TRIM24: variants seen among roughly 807,000 people sequenced by gnomAD.
The protein encoded by TRIM24 is transcription intermediary factor 1-alpha.
TRIM24 carries 29 observed loss-of-function variants against 123.9 expected under a neutral mutation model. That is an observed-to-expected ratio of 0.23 (90% CI 0.17 to 0.32). The LOEUF (loss-of-function observed/expected upper bound fraction) is 0.32, where lower values mean the gene tolerates loss of function less well. Ranked by LOEUF, TRIM24 falls within the 10% of genes least tolerant of loss-of-function variation. The probability of loss-of-function intolerance (pLI) is 1.00; values close to 1 mark genes in which losing one functional copy is unlikely to be tolerated. For missense variants in TRIM24, 932 were observed against 1,295.3 expected (o/e 0.72, Z 4.31); for synonymous variants, 456 against 461.1 (o/e 0.99, Z 0.14).
In TRIM24 at chr7:138,551,808, T is replaced by C. The variant is rs372637465; in HGVS notation, c.1261+628T>C. On this transcript the variant is annotated intron_variant, in intron 8 of 18. Coordinates refer to ENST00000343526, the MANE Select transcript of TRIM24 (RefSeq NM_015905.3). ...TTTAAACTACTATATTTTTATTGGC[T>C]TATCTTTACAACTATTCAATAGGAA... is the stretch of plus-strand genomic sequence containing the variant. 1.3e-5 allele frequency among the ~76,000 whole-genome samples: 2 copies of C among 152,234 alleles called. 1 individual carries two copies. Among genetic ancestry groups the C allele is most frequent in the South Asian group, 4.1e-4 (2 of 4,834 alleles).
rs146063245 is a variant in TRIM24, at chr7:138,525,256, A to G, written c.780A>G (p.Glu260=). Residue 260 remains glutamate, a synonymous_variant, in exon 5 of 19, where the codon GAA becomes GAG. Coordinates refer to ENST00000343526, the MANE Select transcript of TRIM24 (RefSeq NM_015905.3). The part of the protein sequence containing the change: ...EHKEHRYQFI[E]EAFQNQKVII... ...ATTTCTTCAGATACCAATTTATAGA[A>G]GAAGCTTTTCAGAATCAGAAAGTGA... 2.3e-5 allele frequency: 34 copies of G among 1,492,072 alleles called. No homozygotes were observed. The Middle Eastern group carries it at 7.0e-4, about 31-fold the overall frequency. The allele number at this position is 1,492,072 out of a possible 1,614,324, so 92.4% of individuals were successfully genotyped here. A position where few individuals can be genotyped will look rare whatever the true frequency, so the allele number is the denominator to read the frequency against.
intron 1 of TRIM24, among the ~76,000 whole-genome samples, chr7:138,465,763 G>A (rs1356920824): frequency 1.3e-5 from 2 of 152,180 alleles, no homozygotes; most frequent in African/African-American, 4.8e-5. Flanking sequence ...TTATTCACCT[G>A]TTAGTAGGTA....
chr7:138,563,879 G>C (rs1797478150), intron 9 of TRIM24, among the ~76,000 whole-genome samples: 1 of 152,196 alleles, frequency 6.6e-6, no homozygotes, highest in African/African-American at 2.4e-5. Flanking sequence ...TAATTGGACT[G>C]CATGATTTGA....
chr7:138,501,572 C>G (rs890838828), intron 1 of TRIM24, among the ~76,000 whole-genome samples: 2 of 151,900 alleles, frequency 1.3e-5, no homozygotes, highest in Admixed American at 1.3e-4. Flanking sequence ...GACATATATG[C>G]GATCCATTGT....
intron 1 of TRIM24, chr7:138,490,930 TG>T (rs1227421940): frequency 1.3e-5 from 5 of 373,242 alleles, no homozygotes; most frequent in Non-Finnish European, 2.5e-5. Context: ...ATCTGATTGT[TG>T]GTTTTTTTAG....
intron 2 of TRIM24, among the ~76,000 whole-genome samples, chr7:138,509,701 CAAAAAAAAAAA>C (rs538243079): frequency 1.5e-5 from 1 of 67,880 alleles, no homozygotes; most frequent in Non-Finnish European, 2.8e-5. Context: ...GACTCTGTCT[CAAAAAAAAAAA>C]AAAAAAAAAG....
chr7:138,534,446 T>C (rs1050640322), intron 6 of TRIM24, among the ~76,000 whole-genome samples: 2 of 152,230 alleles, frequency 1.3e-5, no homozygotes, highest in Non-Finnish European at 1.5e-5. Context: ...AGAACATCTT[T>C]ATTTCTGCCT....
chr7:138,508,722 T>TGTGCTGTGTGTGTGC (rs1554436726), intron 2 of TRIM24, among the ~76,000 whole-genome samples: 1 of 124,268 alleles, frequency 8.0e-6, no homozygotes, highest in African/African-American at 2.9e-5. Flanking sequence ...TGTGTGTGCG[T>TGTGCTGTGTGTGTGC]GTGTGTGTGT....
intron 6 of TRIM24, 114 bp from the exon 7 acceptor site, chr7:138,538,543 C>T: frequency 1.7e-6 from 2 of 1,177,150 alleles, no homozygotes; most frequent in South Asian, 1.5e-5. Context: ...TTTTTAGTTT[C>T]AGTAAATTGA....
At chr7:138,572,445 G>A (rs1296396661) in intron 11 of TRIM24, among the ~76,000 whole-genome samples, 2 of 152,060 alleles carry the variant, frequency 1.3e-5, no homozygotes, top group East Asian at 1.9e-4. Flanking sequence ...CCCTGCCCCC[G>A]AACCCACAGA....
intron 10 of TRIM24, among the ~76,000 whole-genome samples, chr7:138,568,396 T>C (rs1797582256): frequency 7.1e-6 from 1 of 140,862 alleles, no homozygotes; most frequent in Non-Finnish European, 1.5e-5. Flanking sequence ...TTTTTTTTTT[T>C]TTTTTTTTTT....
intron 1 of TRIM24, among the ~76,000 whole-genome samples, chr7:138,497,359 C>T (rs1018738500): frequency 6.0e-5 from 9 of 148,762 alleles, no homozygotes; most frequent in Non-Finnish European, 5.9e-5. Context: ...TGAGCCACCG[C>T]GCCTGGCCGA....
At chr7:138,476,942 G>C (rs10258403) in intron 1 of TRIM24, among the ~76,000 whole-genome samples, 1,983 of 152,184 alleles carry the variant, frequency 0.013, 36 homozygotes, top group African/African-American at 0.045. Context: ...TTACTGTGCC[G>C]ATGTAAAAAA....
chr7:138,477,866 G>C (rs1489044880), intron 1 of TRIM24, among the ~76,000 whole-genome samples: 4 of 152,052 alleles, frequency 2.6e-5, no homozygotes, highest in Non-Finnish European at 5.9e-5. Flanking sequence ...TACATTTGAG[G>C]GCACAAATGT....
In TRIM24 at chr7:138,508,684, T is replaced by TGCGTGTGTGC. The variant is rs747170764; in HGVS notation, c.483+4277_483+4278insCGTGTGTGCG. Among the ~76,000 whole-genome samples, 19 of 53,444 alleles carry TGCGTGTGTGC rather than the reference T, an allele frequency of 3.6e-4. No homozygotes were observed. The Admixed American group carries it at 3.7e-3, about 10-fold the overall frequency. 35.1% of individuals were successfully genotyped at this position (53,444 alleles called of 152,430 possible). A position where few individuals can be genotyped will look rare whatever the true frequency, so the allele number is the denominator to read the frequency against. ...AGGAGTGTGTGTGTGTGTGTGTGTG[T>TGCGTGTGTGC]GTGTGTGTGCGCGCGCGTGTGTGCG... is the stretch of plus-strand genomic sequence containing the variant. On this transcript the variant is annotated intron_variant, in intron 2 of 18. Transcript: ENST00000343526.
intron 1 of TRIM24, among the ~76,000 whole-genome samples, chr7:138,485,851 A>ACCCCAC (rs1248703430): frequency 1.3e-5 from 2 of 152,210 alleles, no homozygotes; most frequent in South Asian, 2.1e-4. Flanking sequence ...TTGGGTATAT[A>ACCCCAC]CCCAGTAATG....
intron 8 of TRIM24, among the ~76,000 whole-genome samples, chr7:138,553,913 C>T (rs1310051115): frequency 6.6e-6 from 1 of 152,060 alleles, no homozygotes; most frequent in Non-Finnish European, 1.5e-5. Context: ...AGACACAGGG[C>T]TTATTTAGGG....
rs566776456 is a variant in TRIM24, at chr7:138,466,619, C to T, written c.364+5707C>T. 4.6e-5 allele frequency among the ~76,000 whole-genome samples: 7 copies of T among 152,042 alleles called. No individual in the cohort carries two copies. In the South Asian group the frequency reaches 1.2e-3, roughly 27 times the overall value. On this transcript the variant is annotated intron_variant, in intron 1 of 18. Transcript: ENST00000343526. ...ATCACCCATCTCGTCTCCCAAAGTG[C>T]TGGGATTATGGGCGTGAGCCACCAC...
chr7:138,536,400 G>A (rs1192732100), intron 6 of TRIM24, among the ~76,000 whole-genome samples: 1 of 152,162 alleles, frequency 6.6e-6, no homozygotes, highest in Non-Finnish European at 1.5e-5. Context: ...TTTTGGTGTG[G>A]ATGTCCTTTC....
Sources: gnomAD v4.1 joint callset for allele counts (sites outside exome capture counted in the v4.1 genomes callset) on GRCh38, gnomAD v4.1.1 for gene constraint, MANE v1.5 for transcripts, NCBI Gene and HGNC (gene_info 2026-07-23, HGNC 2026-07-21) for gene names.